GUCY2C: variants seen among roughly 807,000 people sequenced by gnomAD.
GUCY2C encodes guanylate cyclase 2C.
GUCY2C carries 118 observed loss-of-function variants against 131.1 expected under a neutral mutation model. That is an observed-to-expected ratio of 0.90 (90% CI 0.78 to 1.05). GUCY2C has a LOEUF of 1.05. Ranked by LOEUF, GUCY2C falls within the 50% of genes least tolerant of loss-of-function variation. The pLI, the probability that GUCY2C is intolerant of heterozygous loss-of-function variation, is 0.00. For missense variants in GUCY2C, 1,161 were observed against 1,304.4 expected (o/e 0.89, Z 1.69); for synonymous variants, 452 against 457.8 (o/e 0.99, Z 0.16).
intron 10 of GUCY2C, among the ~76,000 whole-genome samples, chr12:14,665,028 A>G (rs1460243276): frequency 6.6e-6 from 1 of 152,104 alleles, no homozygotes; most frequent in African/African-American, 2.4e-5. Context: ...CCTGGCCAAC[A>G]TGGTGAAACC....
intron 4 of GUCY2C, among the ~76,000 whole-genome samples, chr12:14,682,574 C>A (rs770816204): frequency 5.3e-5 from 8 of 152,082 alleles, no homozygotes; most frequent in Admixed American, 1.3e-4. Flanking sequence ...AATACAATAC[C>A]CATTATTCCT....
Position 14,613,262 on chromosome 12 carries a change from A to C in GUCY2C, c.3077T>G (p.Phe1026Cys), listed in dbSNP as rs1946688115. ...VENQQRLQAE[F>C]SDMIANSLQK... ...TAAAGAGTTGGCAATCATGTCTGAA[A>C]ATTCTGCTTGCAAACGCTGTTGATT... Residue 1026 changes from phenylalanine (F) to cysteine (C), a missense_variant, in exon 27 of 27, where the codon TTT (phenylalanine) becomes TGT (cysteine). Phe to Cys is a radical substitution (Grantham distance 205). Transcript: ENST00000261170. The surrounding 1 kb of genome is among the most constrained non-coding windows in gnomAD (Gnocchi z 4.9). 2 of 1,613,294 alleles carry C rather than the reference A, an allele frequency of 1.2e-6. No individual in the cohort carries two copies. The highest frequency in any genetic ancestry group is 1.7e-5 in the Admixed American group (1 of 59,946).
chr12:14,645,292 GGAAA>G lies in GUCY2C; in HGVS notation c.1730_1733del (p.Ile577ThrfsTer38). The G allele has an allele frequency of 2.5e-6, 4 of 1,591,494 alleles. No individual in the cohort carries two copies. The highest frequency in any genetic ancestry group is 3.4e-6 in the Non-Finnish European group (4 of 1,160,318). ...AATCCATGAATGTGCCATCAGGGTA[GGAAA>G]TTGTGTCATTTAAAACTTCCTGAAT... On this transcript the variant is annotated frameshift_variant, in exon 16 of 27. Transcript: ENST00000261170. LOFTEE classifies it high-confidence loss of function.
intron 20 of GUCY2C, among the ~76,000 whole-genome samples, chr12:14,626,196 C>T (rs1016369344): frequency 6.6e-6 from 1 of 151,870 alleles, no homozygotes; most frequent in Non-Finnish European, 1.5e-5. Context: ...AGAAATTAGC[C>T]GGGCATGGTG....
In GUCY2C at chr12:14,616,798, T is replaced by A. The variant is rs1031188368; in HGVS notation, c.2876-71A>T. 7.2e-6 allele frequency: 6 copies of A among 832,462 alleles called. No individual in the cohort carries two copies. The South Asian group carries it at 8.0e-5, about 11-fold the overall frequency. 51.6% of individuals were successfully genotyped at this position (832,462 alleles called of 1,614,324 possible). The stretch of plus-strand genomic sequence containing the variant: ...CTATTTGTTTCCCGTTGATTCAGGA[T>A]ATCAACAACACCTGAGACAAGAATC... On this transcript the variant is annotated intron_variant, in intron 24 of 26. Coordinates refer to ENST00000261170, the MANE Select transcript of GUCY2C (RefSeq NM_004963.4).
At chr12:14,637,972 A>C (rs751468461) in intron 19 of GUCY2C, among the ~76,000 whole-genome samples, 4 of 152,200 alleles carry the variant, frequency 2.6e-5, no homozygotes, top group Admixed American at 1.3e-4. Context: ...CAAACTATTA[A>C]TCTGACAAGG....
chr12:14,692,740 T>C (rs1399784877), intron 1 of GUCY2C, among the ~76,000 whole-genome samples: 1 of 152,102 alleles, frequency 6.6e-6, no homozygotes, highest in African/African-American at 2.4e-5. Context: ...TCCCAGCTAC[T>C]TGGGAGGCTG....
intron 24 of GUCY2C, 169 bp downstream of exon 24, chr12:14,619,042 C>A: frequency 1.8e-6 from 1 of 541,528 alleles, no homozygotes; most frequent in East Asian, 2.9e-5. Context: ...ACAATGAAAG[C>A]AAATGTAGCA....
chr12:14,691,398 C>T (rs1948572509), intron 1 of GUCY2C, among the ~76,000 whole-genome samples: 1 of 152,088 alleles, frequency 6.6e-6, no homozygotes, highest in Non-Finnish European at 1.5e-5. Flanking sequence ...ATTTAATTTT[C>T]ATGACAATAG....
chr12:14,656,512 C>CT lies in GUCY2C; in HGVS notation c.1469dup (p.Ile491AspfsTer3). The stretch of plus-strand genomic sequence containing the variant: ...CTTCAACAGGTAAGGTAGGCTTTAC[C>CT]TTGAGGCTAACATGATTGGTCTCAT... On this transcript the variant is annotated frameshift_variant and splice_region_variant, in exon 12 of 27. Transcript: ENST00000261170. LOFTEE classifies it high-confidence loss of function. 1 of 1,518,758 alleles carries CT rather than the reference C, an allele frequency of 6.6e-7. No homozygotes were observed. Among genetic ancestry groups the CT allele is most frequent in the South Asian group, 1.1e-5 (1 of 88,402 alleles). 94.1% of individuals were successfully genotyped at this position (1,518,758 alleles called of 1,614,324 possible).
intron 9 of GUCY2C, among the ~76,000 whole-genome samples, chr12:14,671,732 T>G (rs1948115089): frequency 6.6e-6 from 1 of 152,202 alleles, no homozygotes; most frequent in Non-Finnish European, 1.5e-5. Context: ...CGTTTCTGCC[T>G]CTCTCTGTGA....
intron 12 of GUCY2C, among the ~76,000 whole-genome samples, chr12:14,654,404 T>A (rs1317485796): frequency 6.6e-6 from 1 of 152,150 alleles, no homozygotes; most frequent in Non-Finnish European, 1.5e-5. Context: ...CCTGATGAGC[T>A]CTCTGTACAG....
At chr12:14,639,090 G>C (rs543283204) in intron 19 of GUCY2C, among the ~76,000 whole-genome samples, 2 of 152,246 alleles carry the variant, frequency 1.3e-5, no homozygotes, top group Non-Finnish European at 2.9e-5. Context: ...TTGAGGTCAG[G>C]AGATCGAGAC....
chr12:14,661,302 T>C (rs190942461), intron 10 of GUCY2C, among the ~76,000 whole-genome samples: 1 of 152,188 alleles, frequency 6.6e-6, no homozygotes, highest in Non-Finnish European at 1.5e-5. Context: ...TACATCTCTA[T>C]TCTTTCTAAT....
chr12:14,675,290 C>CA (rs1304405122), intron 7 of GUCY2C, among the ~76,000 whole-genome samples: 30 of 149,096 alleles, frequency 2.0e-4, no homozygotes, highest in Non-Finnish European at 4.0e-4. Context: ...TTTATGATCC[C>CA]ATGTCACAAT....
At chr12:14,673,451 TA>T (rs971772966) in intron 8 of GUCY2C, among the ~76,000 whole-genome samples, 3 of 151,982 alleles carry the variant, frequency 2.0e-5, no homozygotes, top group Admixed American at 6.6e-5. Flanking sequence ...ACTATTTAGG[TA>T]AAAAAAAGTG....
intron 23 of GUCY2C, among the ~76,000 whole-genome samples, chr12:14,620,186 C>T (rs1472363040): frequency 6.6e-6 from 1 of 152,190 alleles, no homozygotes; most frequent in East Asian, 1.9e-4. Flanking sequence ...CCCTACAAAA[C>T]AAACTGCAAC....
chr12:14,626,352 A>G (rs1255720158), intron 20 of GUCY2C, among the ~76,000 whole-genome samples: 1 of 152,118 alleles, frequency 6.6e-6, no homozygotes, highest in Non-Finnish European at 1.5e-5. Context: ...GCCCAACTTA[A>G]CCTCAGGACA....
rs1156857332 is a variant in GUCY2C at position 14,676,972 on chromosome 12, CTG to C, written c.831-3_831-2del. Reference sequence around the variant, plus strand: ...GACATTGTCCTCAAAGTACTGGTCACTGTAATAAAAAGCACAGGTTCCTCATG... The same window carrying C: ...GACATTGTCCTCAAAGTACTGGTCACTAATAAAAAGCACAGGTTCCTCATG... On this transcript the variant is annotated splice_acceptor_variant and splice_polypyrimidine_tract_variant and intron_variant, in intron 6 of 26. Transcript: ENST00000261170. LOFTEE classifies it high-confidence loss of function. 8.3e-7 allele frequency: 1 copy of C among 1,201,166 alleles called. No individual in the cohort carries two copies. The highest frequency in any genetic ancestry group is 1.5e-5 in the African/African-American group (1 of 66,242). 74.4% of individuals were successfully genotyped at this position (1,201,166 alleles called of 1,614,324 possible).
Sources: allele counts gnomAD v4.1 joint callset (sites outside exome capture counted in the v4.1 genomes callset), GRCh38; gene constraint gnomAD v4.1.1; non-coding constraint Gnocchi (gnomAD v3.1); transcripts MANE v1.5; gene names NCBI Gene and HGNC (gene_info 2026-07-23, HGNC 2026-07-21).